The following ANKHD1 variants were observed in gnomAD, a reference collection of about 807,000 sequenced individuals.
The protein encoded by ANKHD1 is ankyrin repeat and KH domain containing 1.
In ANKHD1, 31 loss-of-function variants were observed where a neutral mutation model predicts 230.5. The ratio of observed to expected loss-of-function variants is 0.13; its 90% CI spans 0.10 to 0.18. The LOEUF is 0.18. ANKHD1 is among the 10% of genes least tolerant of loss of function. The pLI is 1.00. For missense variants in ANKHD1, 2,256 were observed against 3,071.3 expected, an observed-to-expected ratio of 0.73 and a Z score of 6.27; for synonymous variants, 1,074 against 1,117.6, an observed-to-expected ratio of 0.96 and a Z score of 0.78.
Position 140,501,401 on chromosome 5 carries a change from A to G in ANKHD1, c.3005-3420A>G, listed in dbSNP as rs545512678. ...CATAGGTTTTTATTTACATAGAACT[A>G]TTTAATAAAGTTACCAATACATAAA... On this transcript the variant is annotated intron_variant, in intron 15 of 33. Coordinates refer to ENST00000360839, the MANE Select transcript of ANKHD1 (RefSeq NM_017747.3). Among the ~76,000 whole-genome samples the G allele has an allele frequency of 1.1e-4, 16 of 152,236 alleles. No homozygotes were observed. In the East Asian group the frequency reaches 2.5e-3, roughly 24 times the overall value.
At chr5:140,415,869 T>C (rs965493551) in intron 1 of ANKHD1, among the ~76,000 whole-genome samples, 5 of 152,178 alleles carry the variant, frequency 3.3e-5, no homozygotes, top group African/African-American at 9.7e-5. Context: ...ACATGTGCCA[T>C]GTTGGTGTGC....
intron 22 of ANKHD1, among the ~76,000 whole-genome samples, chr5:140,512,214 C>A (rs887868479): frequency 7.2e-5 from 10 of 138,634 alleles, no homozygotes; most frequent in African/African-American, 2.4e-4. Flanking sequence ...CCAGCCGGGG[C>A]AACAACAGCG....
Position 140,538,206 on chromosome 5 carries a change from C to G in ANKHD1, c.7349C>G (p.Ala2450Gly). The change falls in exon 32 of 34, where the codon GCC (alanine) becomes GGC (glycine). Residue 2450 changes from alanine to glycine, a missense_variant. Ala to Gly is a moderately conservative substitution (Grantham distance 60). Around this residue, in one of 13 missense-constraint regions of ANKHD1, gnomAD observed 778 missense variants for 966.5 expected, o/e 0.80. Transcript: ENST00000360839. ...PMERDDSGMVAPSNIFHQPMA... is the reference protein window; with the variant it reads ...PMERDDSGMVGPSNIFHQPMA... ...GAGAGAGATGATTCTGGAATGGTAG[C>G]CCCCTCTAACATTTTTCATCAGCCT... is the stretch of plus-strand genomic sequence containing the variant. 14 of 1,614,098 alleles carry G rather than the reference C, an allele frequency of 8.7e-6. No homozygotes were observed. The highest frequency in any genetic ancestry group is 1.2e-5 in the Non-Finnish European group (14 of 1,180,018).
In ANKHD1 at chr5:140,535,436, C is replaced by T; in HGVS notation, c.6925C>T (p.Pro2309Ser). The T allele has an allele frequency of 1.2e-6, 2 of 1,613,742 alleles. No individual in the cohort carries two copies. Among genetic ancestry groups the T allele is most frequent in the Non-Finnish European group, 1.7e-6 (2 of 1,179,868 alleles). The change falls in exon 30 of 34, where the codon CCA (proline) becomes TCA (serine). Residue 2309 changes from proline (P) to serine (S), a missense_variant. Physicochemically the swap from Pro to Ser is moderately conservative, Grantham distance 74. Around this residue, in one of 13 missense-constraint regions of ANKHD1, gnomAD observed 778 missense variants for 966.5 expected, o/e 0.80. Coordinates refer to ENST00000360839, the MANE Select transcript of ANKHD1 (RefSeq NM_017747.3). Reference protein sequence around the residue: ...SAPLASFSGIPGTRVFLQGPA... With the variant: ...SAPLASFSGISGTRVFLQGPA... Reference sequence around the variant, plus strand: ...TCCTCTGGCAAGTTTTTCCGGCATACCAGGAACAAGGGTTTTCCTGCAAGG... The same window carrying T: ...TCCTCTGGCAAGTTTTTCCGGCATATCAGGAACAAGGGTTTTCCTGCAAGG...
At position 140,509,166 on chromosome 5, in the gene ANKHD1, C is replaced by A. The variant is rs62384163; in HGVS notation, c.3766-471C>A. ...TTTGTCTTTTTCTATTACAAGTATT[C>A]ATTGTGTGCCACTCATCCATTAAAG... On this transcript the variant is annotated intron_variant, in intron 20 of 33. Transcript: ENST00000360839. Among the ~76,000 whole-genome samples, 678 of 152,228 alleles carry A rather than the reference C, an allele frequency of 4.5e-3. 4 individuals are homozygous for A. Among genetic ancestry groups the A allele is most frequent in the Non-Finnish European group, 4.8e-3 (326 of 67,998 alleles).
At chr5:140,509,566 C>A in intron 20 of ANKHD1, 71 bp from the exon 21 acceptor site, 1 of 1,416,708 alleles carries the variant, frequency 7.1e-7, no homozygotes. Flanking sequence ...AATTATGTAG[C>A]TTAGTTTTGG....
chr5:140,500,665 A>AAAAAAAAAAAAAAAAAAAAAAG (rs748025095), intron 15 of ANKHD1, among the ~76,000 whole-genome samples: 1 of 115,496 alleles, frequency 8.7e-6, no homozygotes, highest in African/African-American at 3.1e-5. Flanking sequence ...AAAAAAAAAA[A>AAAAAAAAAAAAAAAAAAAAAAG]AAAAGAAAAG....
At chr5:140,489,177 G>A (rs1349061599) in intron 14 of ANKHD1, among the ~76,000 whole-genome samples, 6 of 148,230 alleles carry the variant, frequency 4.0e-5, no homozygotes, top group Admixed American at 6.8e-5. Context: ...GCCACAGAGC[G>A]AGACCTTGTC....
intron 22 of ANKHD1, 135 bp from the exon 23 acceptor site, chr5:140,512,689 TTTTA>T: frequency 1.5e-6 from 1 of 651,846 alleles, no homozygotes; most frequent in Non-Finnish European, 2.5e-6. Context: ...GTATTTGCCT[TTTTA>T]TTCTTAAATT....
chr5:140,484,620 T>C (rs1193740312), intron 11 of ANKHD1: 1 of 152,348 alleles, frequency 6.6e-6, no homozygotes, highest in Non-Finnish European at 1.5e-5. Flanking sequence ...TTTTGAGTTA[T>C]ATACAGTGGT....
At chr5:140,444,742 T>TTTA (rs1774142613) in intron 5 of ANKHD1, among the ~76,000 whole-genome samples, 1 of 152,164 alleles carries the variant, frequency 6.6e-6, no homozygotes, top group Admixed American at 6.5e-5. Flanking sequence ...TTTTAGTAAA[T>TTTA]TTATAGAGTT....
chr5:140,490,428 T>A (rs1428884628), intron 14 of ANKHD1, among the ~76,000 whole-genome samples: 1 of 152,222 alleles, frequency 6.6e-6, no homozygotes, highest in African/African-American at 2.4e-5. Context: ...CCATCTTGAT[T>A]CATAACCTCC....
intron 15 of ANKHD1, among the ~76,000 whole-genome samples, chr5:140,502,183 T>C (rs1227909177): frequency 6.6e-6 from 1 of 152,226 alleles, no homozygotes; most frequent in East Asian, 1.9e-4. Flanking sequence ...GTCATAGTCT[T>C]GGTGTAATTT....
In ANKHD1 at chr5:140,482,711, T is replaced by C. The variant is rs1751338194; in HGVS notation, c.1870+44T>C. Reference sequence around the variant, plus strand: ...ATCATTTCCAAGAGGCTACAGTTTATGGAAAAAAAAATCCTAAACTGTTGC... The same window carrying C: ...ATCATTTCCAAGAGGCTACAGTTTACGGAAAAAAAAATCCTAAACTGTTGC... On this transcript the variant is annotated intron_variant, in intron 11 of 33. Transcript: ENST00000360839. 3 of 1,591,698 alleles carry C rather than the reference T, an allele frequency of 1.9e-6. No individual in the cohort carries two copies. In the African/African-American group the frequency reaches 4.1e-5, roughly 22 times the overall value.
At chr5:140,446,859 C>G (rs1387856348) in intron 6 of ANKHD1, among the ~76,000 whole-genome samples, 1 of 152,020 alleles carries the variant, frequency 6.6e-6, no homozygotes, top group Non-Finnish European at 1.5e-5. Flanking sequence ...AGCAGTGTAT[C>G]ATGGACATTT....
At chr5:140,460,573 T>C (rs1775630442) in intron 9 of ANKHD1, among the ~76,000 whole-genome samples, 1 of 152,116 alleles carries the variant, frequency 6.6e-6, no homozygotes, top group African/African-American at 2.4e-5. Context: ...CAGGCTGGAG[T>C]GTAGTGGTGT....
intron 26 of ANKHD1, 89 bp from the exon 27 acceptor site, chr5:140,526,839 C>G (rs1753628080): frequency 5.5e-6 from 8 of 1,446,874 alleles, no homozygotes; most frequent in Non-Finnish European, 7.3e-6. Context: ...ACGAATATTT[C>G]AGCGTAACTC....
chr5:140,412,758 A>T (rs889942870), intron 1 of ANKHD1, among the ~76,000 whole-genome samples: 1 of 152,230 alleles, frequency 6.6e-6, no homozygotes, highest in Non-Finnish European at 1.5e-5. Flanking sequence ...AGTTACAGAC[A>T]GTGCATGGTT....
intron 14 of ANKHD1, among the ~76,000 whole-genome samples, chr5:140,491,444 T>A (rs1180803021): frequency 6.6e-6 from 1 of 151,918 alleles, no homozygotes; most frequent in Non-Finnish European, 1.5e-5. Flanking sequence ...GGATTACAGG[T>A]GTGAGTCAGC....
Sources: allele counts gnomAD v4.1 joint callset (sites outside exome capture counted in the v4.1 genomes callset), GRCh38; gene constraint gnomAD v4.1.1; regional missense constraint gnomAD v4.1.1; transcripts MANE v1.5; gene names NCBI Gene and HGNC (gene_info 2026-07-23, HGNC 2026-07-21).